Variants in ABCC9 observed in about 807,000 individuals in gnomAD.
ABCC9 encodes ATP-binding cassette sub-family C member 9.
Under a neutral mutation model 188.3 loss-of-function variants are expected in ABCC9, and 95 were observed. That is an observed-to-expected ratio of 0.50 (90% CI 0.43 to 0.60). ABCC9 has a LOEUF of 0.60. Ranked by LOEUF, ABCC9 falls within the 20% of genes least tolerant of loss-of-function variation. ABCC9 has a pLI of 0.00. For missense variants in ABCC9, 1,102 were observed against 1,876.3 expected (o/e 0.59, Z 7.62); for synonymous variants, 659 against 652.7 (o/e 1.01, Z -0.15).
At chr12:21,827,248 C>T (rs1943434269) in intron 31 of ABCC9, 1 of 985,308 alleles carries the variant, frequency 1.0e-6, no homozygotes, top group Non-Finnish European at 1.2e-6. Context: ...GCTATGAGAA[C>T]AGAGCATATG....
At chr12:21,895,381 A>G in intron 12 of ABCC9, 66 bp from the exon 13 acceptor site, 4 of 1,359,014 alleles carry the variant, frequency 2.9e-6, no homozygotes, top group Non-Finnish European at 4.2e-6. Context: ...AACTTTAATC[A>G]TCTATTATTG....
At chr12:21,937,377 A>G (rs913051909) in intron 2 of ABCC9, among the ~76,000 whole-genome samples, 2 of 152,200 alleles carry the variant, frequency 1.3e-5, no homozygotes, top group Non-Finnish European at 2.9e-5. Flanking sequence ...GATGTCTTTT[A>G]ACTGGAAATT....
At chr12:21,936,799 T>C in intron 2 of ABCC9, 105 bp from the exon 3 acceptor site, 1 of 802,780 alleles carries the variant, frequency 1.2e-6, no homozygotes. Context: ...AATTAATCCC[T>C]TTTACTTTGA....
chr12:21,850,354 G>T (rs1944901446), intron 24 of ABCC9, among the ~76,000 whole-genome samples: 1 of 151,944 alleles, frequency 6.6e-6, no homozygotes, highest in South Asian at 2.1e-4. Flanking sequence ...TGTGATTCTG[G>T]CTGCAGATGA....
At chr12:21,831,023 A>G (rs1168586486) in intron 30 of ABCC9, 1 of 146,636 alleles carries the variant, frequency 6.8e-6, no homozygotes, top group Non-Finnish European at 1.5e-5. Context: ...TCATCAATCT[A>G]TCATCTCTCT....
At chr12:21,839,364 G>A (rs1357390911) in intron 29 of ABCC9, among the ~76,000 whole-genome samples, 1 of 152,160 alleles carries the variant, frequency 6.6e-6, no homozygotes, top group East Asian at 1.9e-4. Context: ...GTGGTCAGGG[G>A]CACAGAAAGA....
chr12:21,860,682 G>A (rs555787748), intron 21 of ABCC9, among the ~76,000 whole-genome samples: 48 of 152,224 alleles, frequency 3.2e-4, no homozygotes, highest in Admixed American at 1.0e-3. Context: ...CAAGCTCCAC[G>A]TAAGCAAAAA....
At chr12:21,908,987 G>A (rs185322829) in intron 10 of ABCC9, among the ~76,000 whole-genome samples, 69 of 151,998 alleles carry the variant, frequency 4.5e-4, no homozygotes, top group Admixed American at 1.1e-3. Flanking sequence ...TGCAGTTCAA[G>A]TATATAATTT....
chr12:21,910,590 T>C (rs1440964168), intron 9 of ABCC9, among the ~76,000 whole-genome samples: 1 of 151,944 alleles, frequency 6.6e-6, no homozygotes. Context: ...CAGAAAGAGA[T>C]AAATAAATGT....
intron 7 of ABCC9, among the ~76,000 whole-genome samples, 190 bp downstream of exon 7, chr12:21,915,468 GTGTGTATATA>G (rs745416066): frequency 0.16 from 1,360 of 8,496 alleles, 389 homozygotes; most frequent in East Asian, 0.26. Context: ...GTGTATATGT[GTGTGTATATA>G]TGTGTGTGTG....
intron 18 of ABCC9, among the ~76,000 whole-genome samples, chr12:21,870,500 C>T (rs1429677386): frequency 1.3e-5 from 2 of 152,156 alleles, no homozygotes; most frequent in Admixed American, 6.5e-5. Context: ...TCAAGTGATA[C>T]TCCTGCCTCA....
intron 30 of ABCC9, among the ~76,000 whole-genome samples, chr12:21,830,310 G>A (rs1943684030): frequency 6.6e-6 from 1 of 152,050 alleles, no homozygotes; most frequent in South Asian, 2.1e-4. Flanking sequence ...AACATTGGAA[G>A]GCTGGATAAT....
intron 28 of ABCC9, 58 bp from the exon 29 acceptor site, chr12:21,842,529 G>T: frequency 1.3e-6 from 2 of 1,554,590 alleles, no homozygotes; most frequent in Non-Finnish European, 1.8e-6. Context: ...TGGCTGCAAT[G>T]TAACAAAAAT....
In ABCC9 at chr12:21,845,614, T is replaced by C. The variant is rs892899886; in HGVS notation, c.3085A>G (p.Lys1029Glu). Reference protein sequence around the residue: ...TSEYSINNTGKADQTYYVAGF... With the variant: ...TSEYSINNTGEADQTYYVAGF... ...CGAACCAATTGTACCTGATCAGCTTTTCCAGTATTGTTTATACTGTACTCC... is the reference window on the plus strand; with the variant it reads ...CGAACCAATTGTACCTGATCAGCTTCTCCAGTATTGTTTATACTGTACTCC... The change falls in exon 26 of 40, where the codon AAA (lysine) becomes GAA (glutamate). Residue 1029 changes from lysine to glutamate, a missense_variant. Around this residue, in one of 12 missense-constraint regions of ABCC9, gnomAD observed 74 missense variants for 132.7 expected, o/e 0.56. Transcript: ENST00000261200. 7.4e-6 allele frequency: 12 copies of C among 1,613,122 alleles called. No individual in the cohort carries two copies. Among genetic ancestry groups the C allele is most frequent in the African/African-American group, 1.3e-5 (1 of 74,892 alleles).
chr12:21,888,012 T>A, intron 14 of ABCC9, 78 bp from the exon 15 acceptor site: 1 of 1,043,912 alleles, frequency 9.6e-7, no homozygotes, highest in Non-Finnish European at 1.5e-6. Context: ...ATAACGACTT[T>A]AACACACAGT....
In ABCC9 at chr12:21,866,382, AG is replaced by A. The variant is rs1945784116; in HGVS notation, c.2199-1906del. ...AGGGAACAAGACTGGAGATCATAAAAGAAATCCTTTGCCAACCTCACAGATT... is the reference window on the plus strand; with the variant it reads ...AGGGAACAAGACTGGAGATCATAAAAAAATCCTTTGCCAACCTCACAGATT... On this transcript the variant is annotated intron_variant, in intron 18 of 39. Coordinates refer to ENST00000261200, the MANE Select transcript of ABCC9 (RefSeq NM_020297.4). Among the ~76,000 whole-genome samples, 5 of 152,042 alleles carry A rather than the reference AG, an allele frequency of 3.3e-5. No homozygotes were observed. The South Asian group carries it at 1.0e-3, about 31-fold the overall frequency.
intron 2 of ABCC9, among the ~76,000 whole-genome samples, chr12:21,938,568 G>A (rs1322360537): frequency 6.6e-6 from 1 of 152,030 alleles, no homozygotes; most frequent in Non-Finnish European, 1.5e-5. Flanking sequence ...ATGATAAAAA[G>A]AAAACTTAAA....
chr12:21,865,944 A>G (rs1266463557), intron 18 of ABCC9, among the ~76,000 whole-genome samples: 2 of 138,546 alleles, frequency 1.4e-5, no homozygotes, highest in Non-Finnish European at 3.1e-5. Flanking sequence ...GGCACTGATC[A>G]AGAACCAACA....
rs953821243 is a variant in ABCC9 at position 21,941,426 on chromosome 12, C to T, written c.-363G>A. The T allele has an allele frequency of 1.3e-5, 2 of 152,294 alleles. No homozygotes were observed. The highest frequency in any genetic ancestry group is 2.1e-4 in the South Asian group (1 of 4,840). 9.4% of individuals were successfully genotyped at this position (152,294 alleles called of 1,614,324 possible). A position where few individuals can be genotyped will look rare whatever the true frequency, so the allele number is the denominator to read the frequency against. Reference sequence around the variant, plus strand: ...CCATCCCTGCTCTGCTCAGCTTTGACTTGGGGCGGGCGCGACGCCGCGATT... The same window carrying T: ...CCATCCCTGCTCTGCTCAGCTTTGATTTGGGGCGGGCGCGACGCCGCGATT... On this transcript the variant is annotated 5_prime_UTR_variant, in exon 1 of 40. Transcript: ENST00000261200. This position sits in a 1 kb window ranked among gnomAD's most constrained non-coding sequence, Gnocchi z 5.4.
Sources: allele counts gnomAD v4.1 joint callset (sites outside exome capture counted in the v4.1 genomes callset), GRCh38; gene constraint gnomAD v4.1.1; regional missense constraint gnomAD v4.1.1; non-coding constraint Gnocchi (gnomAD v3.1); transcripts MANE v1.5; gene names NCBI Gene and HGNC (gene_info 2026-07-23, HGNC 2026-07-21).